Variants in TTF2 observed in about 807,000 individuals in gnomAD.
The protein encoded by TTF2 is transcription termination factor 2, also known as RNA polymerase II termination factor.
A neutral mutation model predicts 142.4 loss-of-function variants in TTF2; 108 were observed. The observed-to-expected ratio is 0.76, with a 90% CI of 0.65 to 0.89. The LOEUF (loss-of-function observed/expected upper bound fraction) is 0.89, where lower values mean the gene tolerates loss of function less well. Ranked by LOEUF, TTF2 falls within the 40% of genes least tolerant of loss-of-function variation. TTF2 has a pLI of 0.00. For missense variants in TTF2, 1,327 were observed against 1,379.8 expected (o/e 0.96, Z 0.61); for synonymous variants, 483 against 506.2 (o/e 0.95, Z 0.61).
rs972567081 is a variant in TTF2 at position 117,090,497 on chromosome 1, T to C, written c.2497-35T>C. 6.3e-7 allele frequency: 1 copy of C among 1,587,048 alleles called. No homozygotes were observed. The highest frequency in any genetic ancestry group is 8.6e-7 in the Non-Finnish European group (1 of 1,161,208). The stretch of plus-strand genomic sequence containing the variant: ...TTCTATAATAGGCAGTTAATTTGTA[T>C]AGCTTCATGCCAGCTTTTTTTTTTA... On this transcript the variant is annotated intron_variant, in intron 14 of 22. Transcript: ENST00000369466. The surrounding 1 kb of genome is among the most constrained non-coding windows in gnomAD (Gnocchi z 4.8).
chr1:117,070,479 G>A lies in TTF2; in HGVS notation c.219-3182G>A, dbSNP rs894509825. ...TACAGTATTATCTCATGGGACCACA[G>A]TTGTATGTGCCATCCACTGTTGACT... On this transcript the variant is annotated intron_variant, in intron 3 of 22. Coordinates refer to ENST00000369466, the MANE Select transcript of TTF2 (RefSeq NM_003594.4). This position sits in a 1 kb window ranked among gnomAD's most constrained non-coding sequence, Gnocchi z 4.2. 1.3e-5 allele frequency among the ~76,000 whole-genome samples: 2 copies of A among 152,226 alleles called. No individual in the cohort carries two copies. The highest frequency in any genetic ancestry group is 2.9e-5 in the Non-Finnish European group (2 of 68,036).
chr1:117,088,637 C>T (rs1055162678), intron 12 of TTF2, among the ~76,000 whole-genome samples, 164 bp from the exon 13 acceptor site: 4 of 152,118 alleles, frequency 2.6e-5, no homozygotes, highest in Non-Finnish European at 2.9e-5. Flanking sequence ...CCAGTTGAGA[C>T]GTTTTACTCT....
Position 117,101,603 on chromosome 1 carries a change from C to G in TTF2, c.*79C>G. On this transcript the variant is annotated 3_prime_UTR_variant, in exon 23 of 23. Coordinates refer to ENST00000369466, the MANE Select transcript of TTF2 (RefSeq NM_003594.4). This position sits in a 1 kb window ranked among gnomAD's most constrained non-coding sequence, Gnocchi z 5.9. ...TGGGAATAACAACCTAACCATGAGC[C>G]TTGAACTCTGTTCTTTGCATTTCAA... 1 of 1,389,970 alleles carries G rather than the reference C, an allele frequency of 7.2e-7. No homozygotes were observed. Among genetic ancestry groups the G allele is most frequent in the Non-Finnish European group, 9.4e-7 (1 of 1,059,174 alleles). 86.1% of individuals were successfully genotyped at this position (1,389,970 alleles called of 1,614,324 possible). A position where few individuals can be genotyped will look rare whatever the true frequency, so the allele number is the denominator to read the frequency against.
At chr1:117,096,040 T>C in intron 19 of TTF2, 109 bp from the exon 20 acceptor site, 2 of 1,306,236 alleles carry the variant, frequency 1.5e-6, no homozygotes, top group Non-Finnish European at 1.1e-6. Context: ...AGGCCTTTCC[T>C]TGTCAACATT....
In TTF2 at chr1:117,103,060, C is replaced by T. The variant is rs1649710339; in HGVS notation, c.*1536C>T. 1 of 152,220 alleles carries T rather than the reference C, an allele frequency of 6.6e-6. No individual in the cohort carries two copies. Among genetic ancestry groups the T allele is most frequent in the African/African-American group, 2.4e-5 (1 of 41,430 alleles). The allele number at this position is 152,220 out of a possible 1,614,324, so 9.4% of individuals were successfully genotyped here. A position where few individuals can be genotyped will look rare whatever the true frequency, so the allele number is the denominator to read the frequency against. On this transcript the variant is annotated 3_prime_UTR_variant, in exon 23 of 23. Coordinates refer to ENST00000369466, the MANE Select transcript of TTF2 (RefSeq NM_003594.4). ...GATCATTCATGCTGTTTCTTCCCTC[C>T]TCAGCCTATGGGATGCAAAGGAACT...
rs1649690348 is a variant in TTF2, at chr1:117,102,818, A to T, written c.*1294A>T. The T allele has an allele frequency of 6.6e-6, 1 of 152,048 alleles. No homozygotes were observed. The highest frequency in any genetic ancestry group is 2.4e-5 in the African/African-American group (1 of 41,414). The allele number at this position is 152,048 out of a possible 1,614,324, so 9.4% of individuals were successfully genotyped here. ...GTACAATCCAATACTAATAATACTA[A>T]CAGTAGTATTGATACAATCTAATAA... On this transcript the variant is annotated 3_prime_UTR_variant, in exon 23 of 23. Coordinates refer to ENST00000369466, the MANE Select transcript of TTF2 (RefSeq NM_003594.4).
At chr1:117,064,412 T>G (rs1655921591) in intron 3 of TTF2, among the ~76,000 whole-genome samples, 1 of 152,200 alleles carries the variant, frequency 6.6e-6, no homozygotes, top group Non-Finnish European at 1.5e-5. Context: ...ATCATTTTTG[T>G]ATGGTTTGTG....
In TTF2 at chr1:117,074,911, G is replaced by C. The variant is rs776227653; in HGVS notation, c.327G>C (p.Gln109His). Residue 109 changes from glutamine (Q) to histidine (H), a missense_variant, in exon 5 of 23, where the codon CAG becomes CAC. Physicochemically the swap from Gln to His is conservative, Grantham distance 24 (BLOSUM62 0). Coordinates refer to ENST00000369466, the MANE Select transcript of TTF2 (RefSeq NM_003594.4). Reference sequence around the variant, plus strand: ...AACATTCTGTATCCAATAAGTCTCAGCATGCATCTGAGACATTTCATCATT... The same window carrying C: ...AACATTCTGTATCCAATAAGTCTCACCATGCATCTGAGACATTTCATCATT... The part of the protein sequence containing the change: ...SKEHSVSNKS[Q>H]HASETFHHSS... 2 of 1,611,010 alleles carry C rather than the reference G, an allele frequency of 1.2e-6. No homozygotes were observed. The highest frequency in any genetic ancestry group is 1.7e-6 in the Non-Finnish European group (2 of 1,179,368).
rs149623565 is a variant in TTF2, at chr1:117,106,302, C to G, written c.*4778C>G. On this transcript the variant is annotated 3_prime_UTR_variant, in exon 23 of 23. Transcript: ENST00000369466. Reference sequence around the variant, plus strand: ...AAAAAAAAAAGCAAACCCAGCCTAACTCCCAGGGAGGGAAGAGGGGCGACA... The same window carrying G: ...AAAAAAAAAAGCAAACCCAGCCTAAGTCCCAGGGAGGGAAGAGGGGCGACA... 3.3e-5 allele frequency: 5 copies of G among 149,846 alleles called. No homozygotes were observed. Among genetic ancestry groups the G allele is most frequent in the Non-Finnish European group, 7.4e-5 (5 of 67,586 alleles). 9.3% of individuals were successfully genotyped at this position (149,846 alleles called of 1,614,324 possible). A position where few individuals can be genotyped will look rare whatever the true frequency, so the allele number is the denominator to read the frequency against.
At position 117,096,168 on chromosome 1, in the gene TTF2, A is replaced by G. The variant is rs981717538; in HGVS notation, c.3055A>G (p.Thr1019Ala). Reference protein sequence around the residue: ...SQKSVIVSQWTNMLKVVALHL... With the variant: ...SQKSVIVSQWANMLKVVALHL... ...TTCCAGTGTCATTGTCTCTCAGTGGACCAACATGCTGAAAGTTGTAGCATT... is the reference window on the plus strand; with the variant it reads ...TTCCAGTGTCATTGTCTCTCAGTGGGCCAACATGCTGAAAGTTGTAGCATT... The change falls in exon 20 of 23, where the codon ACC (threonine) becomes GCC (alanine). Residue 1019 changes from threonine to alanine, a missense_variant. Coordinates refer to ENST00000369466, the MANE Select transcript of TTF2 (RefSeq NM_003594.4). 7 of 1,613,838 alleles carry G rather than the reference A, an allele frequency of 4.3e-6. No homozygotes were observed. Among genetic ancestry groups the G allele is most frequent in the Non-Finnish European group, 5.9e-6 (7 of 1,179,980 alleles).
Position 117,070,509 on chromosome 1 carries a change from C to T in TTF2, c.219-3152C>T. 6.6e-6 allele frequency among the ~76,000 whole-genome samples: 1 copy of T among 152,214 alleles called. No individual in the cohort carries two copies. The highest frequency in any genetic ancestry group is 1.9e-4 in the East Asian group (1 of 5,200). Reference sequence around the variant, plus strand: ...ATGTGCCATCCACTGTTGACTGAAACATCATCATGCAGCACGGGACTGTAC... The same window carrying T: ...ATGTGCCATCCACTGTTGACTGAAATATCATCATGCAGCACGGGACTGTAC... On this transcript the variant is annotated intron_variant, in intron 3 of 22. Coordinates refer to ENST00000369466, the MANE Select transcript of TTF2 (RefSeq NM_003594.4). This position sits in a 1 kb window ranked among gnomAD's most constrained non-coding sequence, Gnocchi z 4.2.
Position 117,076,870 on chromosome 1 carries a change from G to C in TTF2, c.1573+47G>C. 2 of 1,544,342 alleles carry C rather than the reference G, an allele frequency of 1.3e-6. No individual in the cohort carries two copies. Among genetic ancestry groups the C allele is most frequent in the Non-Finnish European group, 1.8e-6 (2 of 1,139,182 alleles). ...CTGCTGTGAATAGCCACCCCTGTGA[G>C]TTACGTGCCACCCGGTACAGTAGTC... On this transcript the variant is annotated intron_variant, in intron 7 of 22. Transcript: ENST00000369466. The surrounding 1 kb of genome is among the most constrained non-coding windows in gnomAD (Gnocchi z 4.6).
chr1:117,062,311 T>G, intron 2 of TTF2, 76 bp from the exon 3 acceptor site: 1 of 1,360,424 alleles, frequency 7.4e-7, no homozygotes, highest in Non-Finnish European at 1.0e-6. Flanking sequence ...TAAAAACCCA[T>G]AGTTTTGATT....
In TTF2 at chr1:117,086,412, C is replaced by T. The variant is rs749562896; in HGVS notation, c.2055-5C>T. On this transcript the variant is annotated splice_polypyrimidine_tract_variant and splice_region_variant and intron_variant, in intron 11 of 22. Transcript: ENST00000369466. The surrounding 1 kb of genome is among the most constrained non-coding windows in gnomAD (Gnocchi z 4.2). ...TTTATTGATTTCTTTGTTATGTCTA[C>T]GCAGCCTCTCTACATATGACATCGT... 43 of 1,606,708 alleles carry T rather than the reference C, an allele frequency of 2.7e-5. No individual in the cohort carries two copies. The highest frequency in any genetic ancestry group is 1.0e-4 in the Admixed American group (6 of 59,958).
chr1:117,098,824 T>C lies in TTF2; in HGVS notation c.3270-9T>C, dbSNP rs1242206310. The C allele has an allele frequency of 1.2e-5, 20 of 1,611,008 alleles. No homozygotes were observed. Among genetic ancestry groups the C allele is most frequent in the Non-Finnish European group, 1.7e-5 (20 of 1,179,034 alleles). On this transcript the variant is annotated splice_polypyrimidine_tract_variant and intron_variant, in intron 21 of 22. Coordinates refer to ENST00000369466, the MANE Select transcript of TTF2 (RefSeq NM_003594.4). Reference sequence around the variant, plus strand: ...TCAGTTCCTTTGAGCTTTAGCTGTCTTCTAACAGGAATCCATCACTTGAAG... The same window carrying C: ...TCAGTTCCTTTGAGCTTTAGCTGTCCTCTAACAGGAATCCATCACTTGAAG...
chr1:117,064,954 T>C (rs1311931022), intron 3 of TTF2, among the ~76,000 whole-genome samples: 1 of 152,144 alleles, frequency 6.6e-6, no homozygotes, highest in Non-Finnish European at 1.5e-5. Context: ...TTACCAATTG[T>C]TTTAGCATCA....
rs779897219 is a variant in TTF2 at position 117,060,333 on chromosome 1, G to T, written c.-14G>T. 1 of 1,596,000 alleles carries T rather than the reference G, an allele frequency of 6.3e-7. No individual in the cohort carries two copies. Reference sequence around the variant, plus strand: ...TGGGGGCGGGGCTTTGTGGAACTTGGGGGACCCAGCGAAATGGAAGAAGTT... The same window carrying T: ...TGGGGGCGGGGCTTTGTGGAACTTGTGGGACCCAGCGAAATGGAAGAAGTT... On this transcript the variant is annotated 5_prime_UTR_variant, in exon 1 of 23. Transcript: ENST00000369466.
Position 117,076,906 on chromosome 1 carries a change from C to A in TTF2, c.1573+83C>A. On this transcript the variant is annotated intron_variant, in intron 7 of 22. Coordinates refer to ENST00000369466, the MANE Select transcript of TTF2 (RefSeq NM_003594.4). This position sits in a 1 kb window ranked among gnomAD's most constrained non-coding sequence, Gnocchi z 4.6. The stretch of plus-strand genomic sequence containing the variant: ...CCCGGTACAGTAGTCACCTCTTATC[C>A]ACACTTTCAGTTAACCTTAGTCACC... 2 of 1,314,834 alleles carry A rather than the reference C, an allele frequency of 1.5e-6. No individual in the cohort carries two copies. Among genetic ancestry groups the A allele is most frequent in the Non-Finnish European group, 2.1e-6 (2 of 966,660 alleles). The allele number at this position is 1,314,834 out of a possible 1,614,324, so 81.4% of individuals were successfully genotyped here.
rs539233928 is a variant in TTF2, at chr1:117,101,524, A to T, written c.3489A>T (p.Ter1163TyrextTer9). Reference protein sequence around the residue: ...LADLRVLFGI* With the variant: ...LADLRVLFGIY Reference sequence around the variant, plus strand: ...ACCTCAGAGTCCTTTTTGGCATCTAACCTCCTGTGGATAAGGGCTCAGAAT... The same window carrying T: ...ACCTCAGAGTCCTTTTTGGCATCTATCCTCCTGTGGATAAGGGCTCAGAAT... Residue 1163 changes from the stop codon to tyrosine (Y), a stop_lost, in exon 23 of 23, where the codon TAA becomes TAT. Coordinates refer to ENST00000369466, the MANE Select transcript of TTF2 (RefSeq NM_003594.4). This position sits in a 1 kb window ranked among gnomAD's most constrained non-coding sequence, Gnocchi z 5.9. 2 of 1,585,512 alleles carry T rather than the reference A, an allele frequency of 1.3e-6. No individual in the cohort carries two copies. Among genetic ancestry groups the T allele is most frequent in the South Asian group, 1.2e-5 (1 of 85,396 alleles).
Sources: allele counts gnomAD v4.1 joint callset (sites outside exome capture counted in the v4.1 genomes callset), GRCh38; gene constraint gnomAD v4.1.1; non-coding constraint Gnocchi (gnomAD v3.1); transcripts MANE v1.5; gene names NCBI Gene and HGNC (gene_info 2026-07-23, HGNC 2026-07-21).